Variants in FSTL5 observed in about 807,000 individuals in gnomAD.
FSTL5 encodes the protein follistatin-related protein 5.
In FSTL5, 62 loss-of-function variants were observed where a neutral mutation model predicts 89.1. The ratio of observed to expected loss-of-function variants is 0.70; its 90% CI spans 0.57 to 0.86. The LOEUF is 0.86. FSTL5 is among the 40% of genes least tolerant of loss of function. The pLI is 0.00. For synonymous variants in FSTL5, 383 were observed against 346.2 expected, an observed-to-expected ratio of 1.11 and a Z score of -1.18; for missense variants, 1,057 against 1,001.6, an observed-to-expected ratio of 1.06 and a Z score of -0.75.
At chr4:161,865,011 A>C (rs1283591059) in intron 4 of FSTL5, among the ~76,000 whole-genome samples, 2 of 152,184 alleles carry the variant, frequency 1.3e-5, no homozygotes, top group African/African-American at 4.8e-5. Flanking sequence ...ATGTTGTAAT[A>C]ATCAGAGATA....
intron 3 of FSTL5, among the ~76,000 whole-genome samples, chr4:161,924,051 C>G (rs1734061580): frequency 6.6e-6 from 1 of 151,708 alleles, no homozygotes; most frequent in South Asian, 2.1e-4. Flanking sequence ...TTAATCTGAT[C>G]AACGTGTCAA....
intron 6 of FSTL5, among the ~76,000 whole-genome samples, chr4:161,663,111 A>C (rs1012498522): frequency 3.9e-5 from 6 of 152,112 alleles, no homozygotes; most frequent in African/African-American, 1.4e-4. Context: ...ACAACACATG[A>C]GAATTCCGGG....
intron 6 of FSTL5, among the ~76,000 whole-genome samples, chr4:161,716,107 A>G (rs1359231617): frequency 6.6e-6 from 1 of 152,128 alleles, no homozygotes; most frequent in East Asian, 1.9e-4. Context: ...TCCTTGGTAC[A>G]CGGGTCTCCA....
chr4:161,939,732 A>G (rs359497), intron 3 of FSTL5, among the ~76,000 whole-genome samples: 19,405 of 151,968 alleles, frequency 0.13, 1,641 homozygotes, highest in African/African-American at 0.25. Flanking sequence ...CTGAACAAGC[A>G]CTAACATGAG....
At chr4:161,566,495 T>C (rs1199113012) in intron 8 of FSTL5, among the ~76,000 whole-genome samples, 2 of 152,082 alleles carry the variant, frequency 1.3e-5, no homozygotes, top group Non-Finnish European at 2.9e-5. Context: ...CTGGATTGAA[T>C]GGTAGTTCAA....
intron 15 of FSTL5, among the ~76,000 whole-genome samples, chr4:161,428,285 G>A (rs898798242): frequency 5.3e-5 from 8 of 152,182 alleles, no homozygotes; most frequent in African/African-American, 1.9e-4. Flanking sequence ...TTGAAAGGCA[G>A]TCTAGGCCAC....
intron 3 of FSTL5, among the ~76,000 whole-genome samples, chr4:161,943,515 C>T (rs13104490): frequency 0.42 from 46,694 of 112,036 alleles, 9,123 homozygotes; most frequent in Non-Finnish European, 0.5. Flanking sequence ...TTTTATTGGA[C>T]TTTTACATCA....
intron 4 of FSTL5, among the ~76,000 whole-genome samples, chr4:161,779,805 A>G (rs13106765): frequency 2.0e-4 from 11 of 55,586 alleles, no homozygotes; most frequent in Admixed American, 4.3e-4. Context: ...ATATATATAT[A>G]TATATGTATA....
At chr4:161,441,951 C>T (rs1732775962) in intron 15 of FSTL5, among the ~76,000 whole-genome samples, 1 of 152,026 alleles carries the variant, frequency 6.6e-6, no homozygotes, top group African/African-American at 2.4e-5. Flanking sequence ...TGAAACTTAA[C>T]TTGAGCTAGT....
intron 13 of FSTL5, among the ~76,000 whole-genome samples, chr4:161,479,239 A>G (rs986277247): frequency 2.6e-5 from 4 of 152,112 alleles, no homozygotes; most frequent in Non-Finnish European, 4.4e-5. Flanking sequence ...ATTTCATAAT[A>G]ATAGGCATTT....
intron 6 of FSTL5, among the ~76,000 whole-genome samples, chr4:161,757,701 C>A (rs1011153583): frequency 6.6e-6 from 1 of 152,202 alleles, no homozygotes; most frequent in Non-Finnish European, 1.5e-5. Flanking sequence ...TCACTTCAAC[C>A]TTTGCCTCCT....
At chr4:161,523,695 C>T (rs1731110267) in intron 10 of FSTL5, among the ~76,000 whole-genome samples, 1 of 152,060 alleles carries the variant, frequency 6.6e-6, no homozygotes, top group Non-Finnish European at 1.5e-5. Flanking sequence ...TTCCACAATA[C>T]GTATTTCTCC....
intron 4 of FSTL5, among the ~76,000 whole-genome samples, chr4:161,815,952 A>T (rs941828874): frequency 6.6e-6 from 1 of 152,202 alleles, no homozygotes; most frequent in African/African-American, 2.4e-5. Flanking sequence ...TTAAAAATAA[A>T]AAAATACAGT....
At chr4:162,148,680 G>A (rs1460391074) in intron 1 of FSTL5, among the ~76,000 whole-genome samples, 2 of 152,066 alleles carry the variant, frequency 1.3e-5, no homozygotes, top group African/African-American at 4.8e-5. Flanking sequence ...AGATTATTGT[G>A]TTAATCTTAC....
At chr4:162,150,529 A>G (rs1335228405) in intron 1 of FSTL5, among the ~76,000 whole-genome samples, 1 of 152,208 alleles carries the variant, frequency 6.6e-6, no homozygotes, top group Admixed American at 6.5e-5. Flanking sequence ...GATTCTTTTA[A>G]GTTAATGTTC....
intron 4 of FSTL5, among the ~76,000 whole-genome samples, chr4:161,885,972 G>A (rs1004800186): frequency 2.0e-5 from 3 of 151,964 alleles, no homozygotes; most frequent in Non-Finnish European, 2.9e-5. Context: ...ACTGACAGCA[G>A]ACTTAACTAG....
At chr4:161,486,450 A>C (rs1294670988) in intron 12 of FSTL5, among the ~76,000 whole-genome samples, 1 of 152,204 alleles carries the variant, frequency 6.6e-6, no homozygotes, top group Non-Finnish European at 1.5e-5. Flanking sequence ...AAATAAAGGC[A>C]TGTAAGTCTG....
At chr4:162,119,852 C>T (rs192468429) in intron 1 of FSTL5, among the ~76,000 whole-genome samples, 17 of 152,212 alleles carry the variant, frequency 1.1e-4, no homozygotes, top group African/African-American at 3.9e-4. Context: ...CTCTAGTATC[C>T]TCCATCTCTA....
chr4:161,765,113 A>G (rs1740947544), intron 5 of FSTL5, among the ~76,000 whole-genome samples: 3 of 152,218 alleles, frequency 2.0e-5, no homozygotes. Context: ...GGCATTGACA[A>G]TGTCATTCTA....
Sources: gnomAD v4.1 joint callset for allele counts (sites outside exome capture counted in the v4.1 genomes callset) on GRCh38, gnomAD v4.1.1 for gene constraint, MANE v1.5 for transcripts, NCBI Gene and HGNC (gene_info 2026-07-23, HGNC 2026-07-21) for gene names.